CACHD1: variants seen among roughly 807,000 people sequenced by gnomAD.
CACHD1 encodes cache domain containing 1.
CACHD1 carries 71 observed loss-of-function variants against 138.7 expected under a neutral mutation model. The ratio of observed to expected loss-of-function variants is 0.51; its 90% CI spans 0.42 to 0.62. The LOEUF is 0.62. CACHD1 is among the 20% of genes least tolerant of loss of function. The pLI, the probability that CACHD1 is intolerant of heterozygous loss-of-function variation, is 0.00. For synonymous variants in CACHD1, 578 were observed against 591.5 expected (o/e 0.98, Z 0.33); for missense variants, 1,389 against 1,625.3 (o/e 0.85, Z 2.50).
intron 1 of CACHD1, among the ~76,000 whole-genome samples, chr1:64,515,752 G>A (rs1361820394): frequency 6.6e-6 from 1 of 152,182 alleles, no homozygotes; most frequent in African/African-American, 2.4e-5. Context: ...ATTTGGGGAT[G>A]CAGGTGGTCT....
intron 17 of CACHD1, among the ~76,000 whole-genome samples, chr1:64,672,059 C>T (rs1649836015): frequency 6.6e-6 from 1 of 152,176 alleles, no homozygotes. Context: ...GTCTTTGTGA[C>T]ATTTTCAGCT....
chr1:64,642,629 T>A (rs1267511696), intron 8 of CACHD1, among the ~76,000 whole-genome samples: 1 of 152,170 alleles, frequency 6.6e-6, no homozygotes, highest in Non-Finnish European at 1.5e-5. Context: ...CTAGTCTGAG[T>A]GCAGCACAGT....
At chr1:64,641,669 A>C (rs1648718146) in intron 7 of CACHD1, 151 bp from the exon 8 acceptor site, 3 of 514,650 alleles carry the variant, frequency 5.8e-6, no homozygotes, top group Non-Finnish European at 6.9e-6. Context: ...AAGCAGGGGG[A>C]TGAAAGCCAC....
intron 26 of CACHD1, among the ~76,000 whole-genome samples, chr1:64,688,914 TAC>T (rs1650452441): frequency 1.3e-5 from 2 of 152,226 alleles, no homozygotes; most frequent in Non-Finnish European, 2.9e-5. Flanking sequence ...CCATCAGGTC[TAC>T]CCAATTGTCA....
chr1:64,660,320 G>C (rs1271057915), intron 13 of CACHD1, among the ~76,000 whole-genome samples: 3 of 152,092 alleles, frequency 2.0e-5, no homozygotes, highest in Non-Finnish European at 4.4e-5. Context: ...CATAGCTACA[G>C]TTTCCAATAT....
chr1:64,494,673 G>A (rs968073034), intron 1 of CACHD1, among the ~76,000 whole-genome samples: 4 of 152,118 alleles, frequency 2.6e-5, no homozygotes, highest in Non-Finnish European at 5.9e-5. Flanking sequence ...GACAGGATAT[G>A]GTTGCTTAAA....
chr1:64,566,542 G>C (rs1227474031), intron 2 of CACHD1, among the ~76,000 whole-genome samples: 1 of 148,654 alleles, frequency 6.7e-6, no homozygotes, highest in Non-Finnish European at 1.5e-5. Flanking sequence ...GAAGGGGCTA[G>C]ACTCTGTCCT....
intron 12 of CACHD1, 22 bp downstream of exon 12, chr1:64,654,825 T>C (rs1394546236): frequency 6.5e-7 from 1 of 1,545,592 alleles, no homozygotes; most frequent in South Asian, 1.1e-5. Flanking sequence ...GAAGTTGTGT[T>C]TGCTTGAAGA....
chr1:64,480,841 C>T (rs906878987), intron 1 of CACHD1, among the ~76,000 whole-genome samples: 2 of 150,432 alleles, frequency 1.3e-5, no homozygotes, highest in African/African-American at 2.5e-5. Flanking sequence ...ATCTCTCTCC[C>T]TAGTCATTAA....
chr1:64,526,267 T>C (rs545446095), intron 1 of CACHD1, among the ~76,000 whole-genome samples: 1 of 152,342 alleles, frequency 6.6e-6, no homozygotes, highest in South Asian at 2.1e-4. Context: ...AGCAAGATTC[T>C]AAGTTATGGA....
chr1:64,610,820 G>T (rs1647505680), intron 4 of CACHD1, among the ~76,000 whole-genome samples: 1 of 152,232 alleles, frequency 6.6e-6, no homozygotes, highest in Non-Finnish European at 1.5e-5. Context: ...GGTACTCTGT[G>T]TGGGGGCTCC....
chr1:64,683,878 G>A (rs1650269737), intron 26 of CACHD1, among the ~76,000 whole-genome samples: 1 of 152,184 alleles, frequency 6.6e-6, no homozygotes, highest in African/African-American at 2.4e-5. Flanking sequence ...TCCCTGTGAT[G>A]CCTAGAGGCA....
intron 4 of CACHD1, among the ~76,000 whole-genome samples, chr1:64,620,839 T>G (rs899104270): frequency 6.6e-6 from 1 of 152,196 alleles, no homozygotes; most frequent in Non-Finnish European, 1.5e-5. Flanking sequence ...TTTACAAAGA[T>G]TCTGTCTTCT....
intron 2 of CACHD1, among the ~76,000 whole-genome samples, chr1:64,577,797 G>C (rs1646980669): frequency 6.6e-6 from 1 of 152,180 alleles, no homozygotes; most frequent in African/African-American, 2.4e-5. Flanking sequence ...AATCCAAGTA[G>C]ACAGAGCATG....
intron 5 of CACHD1, among the ~76,000 whole-genome samples, chr1:64,631,702 T>G (rs1004324142): frequency 6.6e-6 from 1 of 152,196 alleles, no homozygotes; most frequent in African/African-American, 2.4e-5. Flanking sequence ...CAAACCTTCC[T>G]GCACTGCACA....
At chr1:64,669,447 G>GT (rs1285514049) in intron 16 of CACHD1, among the ~76,000 whole-genome samples, 4 of 152,160 alleles carry the variant, frequency 2.6e-5, no homozygotes, top group Admixed American at 2.0e-4. Context: ...GAGAATTAGA[G>GT]GCATTTTCTA....
At chr1:64,473,561 G>C (rs116233537) in intron 1 of CACHD1, among the ~76,000 whole-genome samples, 1,862 of 152,124 alleles carry the variant, frequency 0.012, 35 homozygotes, top group African/African-American at 0.042. Flanking sequence ...TTCCTACGAA[G>C]ATGGTCAGGG....
chr1:64,632,886 G>A (rs1648363773), intron 6 of CACHD1, 143 bp downstream of exon 6: 1 of 1,018,934 alleles, frequency 9.8e-7, no homozygotes, highest in Non-Finnish European at 1.4e-6. Flanking sequence ...AGTTGAAAAT[G>A]CATTTAATAC....
chr1:64,647,688 C>T (rs1044636735), intron 8 of CACHD1, 113 bp from the exon 9 acceptor site: 6 of 807,960 alleles, frequency 7.4e-6, no homozygotes, highest in Non-Finnish European at 1.2e-5. Flanking sequence ...CTGCAAAAAC[C>T]CCTTTGGTAT....
Sources: allele counts gnomAD v4.1 joint callset (sites outside exome capture counted in the v4.1 genomes callset), GRCh38; gene constraint gnomAD v4.1.1; transcripts MANE v1.5; gene names NCBI Gene and HGNC (gene_info 2026-07-23, HGNC 2026-07-21).